Variants in FOCAD observed in about 807,000 individuals in gnomAD.
FOCAD encodes the protein KIAA1797.
Under a neutral mutation model 225.6 loss-of-function variants are expected in FOCAD, and 198 were observed. That is an observed-to-expected ratio of 0.88 (90% CI 0.78 to 0.99). FOCAD has a LOEUF of 0.99. Among genes scored for constraint, FOCAD ranks in the 50% least tolerant of loss-of-function variants. The probability of loss-of-function intolerance (pLI) is 0.00; values close to 1 mark genes in which losing one functional copy is unlikely to be tolerated. For synonymous variants in FOCAD, 897 were observed against 755.0 expected, an observed-to-expected ratio of 1.19 and a Z score of -3.08; for missense variants, 2,713 against 2,123.6, an observed-to-expected ratio of 1.28 and a Z score of -5.46.
Position 20,923,601 on chromosome 9 carries a change from T to G in FOCAD, c.2853-59T>G, listed in dbSNP as rs1834656074. 2.9e-6 allele frequency: 4 copies of G among 1,357,464 alleles called. No individual in the cohort carries two copies. In the African/African-American group the frequency reaches 5.8e-5, roughly 20 times the overall value. 84.1% of individuals were successfully genotyped at this position (1,357,464 alleles called of 1,614,324 possible). On this transcript the variant is annotated intron_variant, in intron 24 of 43. Transcript: ENST00000338382. ...TTCACCTGCCCTCCTATATTAGCTC[T>G]TTCTCTTCTTCTGGTTAATACCAAA...
At chr9:20,675,649 C>A (rs1209343880) in intron 2 of FOCAD, among the ~76,000 whole-genome samples, 1 of 152,084 alleles carries the variant, frequency 6.6e-6, no homozygotes, top group East Asian at 1.9e-4. Context: ...GTTGGCCAAG[C>A]AAAGAAAGCT....
intron 1 of FOCAD, among the ~76,000 whole-genome samples, chr9:20,698,191 G>GC (rs1823536097): frequency 6.6e-6 from 1 of 152,074 alleles, no homozygotes. Context: ...AGTAATGTAT[G>GC]CCCCATTGTA....
chr9:20,853,845 AC>A (rs1215437973), intron 15 of FOCAD, among the ~76,000 whole-genome samples: 2 of 151,748 alleles, frequency 1.3e-5, no homozygotes, highest in African/African-American at 4.8e-5. Context: ...ATACTTAACA[AC>A]CCCTAACCCT....
chr9:20,733,827 C>T (rs1247235909), intron 4 of FOCAD, among the ~76,000 whole-genome samples: 1 of 152,050 alleles, frequency 6.6e-6, no homozygotes, highest in African/African-American at 2.4e-5. Flanking sequence ...CATAGTGAGA[C>T]TCTGTCTTTA....
intron 4 of FOCAD, among the ~76,000 whole-genome samples, chr9:20,733,056 AG>A (rs1020852800): frequency 2.2e-4 from 33 of 152,158 alleles, no homozygotes; most frequent in African/African-American, 7.5e-4. Flanking sequence ...TGAATAAGTT[AG>A]GCATAATATC....
chr9:20,805,302 C>G (rs1203230617), intron 11 of FOCAD, among the ~76,000 whole-genome samples: 1 of 152,114 alleles, frequency 6.6e-6, no homozygotes, highest in Non-Finnish European at 1.5e-5. Context: ...AACTATTGAT[C>G]TGAGGTGAAG....
intron 27 of FOCAD, among the ~76,000 whole-genome samples, chr9:20,930,005 A>G (rs920503303): frequency 2.6e-5 from 4 of 152,202 alleles, no homozygotes; most frequent in Non-Finnish European, 4.4e-5. Flanking sequence ...GAGGATTGGC[A>G]TATCTCTAGT....
chr9:20,739,409 G>T (rs897051064), intron 4 of FOCAD, among the ~76,000 whole-genome samples: 9 of 152,088 alleles, frequency 5.9e-5, no homozygotes, highest in African/African-American at 2.2e-4. Context: ...TTTGAGACCA[G>T]CCTGACCAAC....
At chr9:20,933,997 G>T (rs980036095) in intron 28 of FOCAD, among the ~76,000 whole-genome samples, 1 of 151,948 alleles carries the variant, frequency 6.6e-6, no homozygotes. Context: ...TTGGTCATTT[G>T]TATATCTTCT....
chr9:20,824,325 C>T (rs1051581539), intron 15 of FOCAD, among the ~76,000 whole-genome samples: 2 of 151,974 alleles, frequency 1.3e-5, no homozygotes, highest in African/African-American at 2.4e-5. Flanking sequence ...CTTTCACCAC[C>T]AAAAGGTGAC....
chr9:20,828,388 A>G (rs917260072), intron 15 of FOCAD, among the ~76,000 whole-genome samples: 1 of 152,042 alleles, frequency 6.6e-6, no homozygotes, highest in African/African-American at 2.4e-5. Context: ...TAATGCTGCT[A>G]TGAACATTTG....
intron 5 of FOCAD, among the ~76,000 whole-genome samples, chr9:20,752,091 T>A (rs1828608133): frequency 6.8e-6 from 1 of 146,372 alleles, no homozygotes; most frequent in South Asian, 2.2e-4. Flanking sequence ...GTGAAAATTT[T>A]CTCCCATTTT....
chr9:20,921,670 A>G (rs1333762071), intron 24 of FOCAD, among the ~76,000 whole-genome samples: 1 of 152,212 alleles, frequency 6.6e-6, no homozygotes, highest in African/African-American at 2.4e-5. Flanking sequence ...ATTATTATCC[A>G]AATATGTGTT....
At chr9:20,844,251 A>C (rs1422827504) in intron 15 of FOCAD, among the ~76,000 whole-genome samples, 1 of 149,192 alleles carries the variant, frequency 6.7e-6, no homozygotes, top group Admixed American at 6.7e-5. Flanking sequence ...TTATTTCTCC[A>C]CCTAAAATTT....
intron 26 of FOCAD, among the ~76,000 whole-genome samples, chr9:20,927,050 A>G (rs1172601627): frequency 1.3e-5 from 2 of 151,588 alleles, no homozygotes; most frequent in African/African-American, 2.4e-5. Flanking sequence ...AAGAAATACC[A>G]ATGTGTAGTC....
At chr9:20,955,392 G>A (rs1252811348) in intron 35 of FOCAD, among the ~76,000 whole-genome samples, 1 of 152,124 alleles carries the variant, frequency 6.6e-6, no homozygotes, top group African/African-American at 2.4e-5. Context: ...TAGTACTCAT[G>A]TGATAGAACA....
intron 1 of FOCAD, among the ~76,000 whole-genome samples, chr9:20,701,131 C>T (rs1462699330): frequency 2.0e-5 from 3 of 152,204 alleles, no homozygotes. Context: ...TCCACTTTGT[C>T]CTCTCAAACC....
chr9:20,732,999 G>A (rs1826841226), intron 4 of FOCAD, among the ~76,000 whole-genome samples: 1 of 152,160 alleles, frequency 6.6e-6, no homozygotes, highest in Non-Finnish European at 1.5e-5. Flanking sequence ...CTAGTAGGCA[G>A]CTGGATATGC....
At chr9:20,777,326 AC>A (rs1374187871) in intron 8 of FOCAD, among the ~76,000 whole-genome samples, 1 of 34,398 alleles carries the variant, frequency 2.9e-5, no homozygotes, top group Non-Finnish European at 5.9e-5. Context: ...TTTTTTTTTG[AC>A]TGTCTTTATT....
Sources: gnomAD v4.1 joint callset for allele counts (sites outside exome capture counted in the v4.1 genomes callset) on GRCh38, gnomAD v4.1.1 for gene constraint, MANE v1.5 for transcripts, NCBI Gene and HGNC (gene_info 2026-07-23, HGNC 2026-07-21) for gene names.